MACROD2: variants seen among roughly 807,000 people sequenced by gnomAD.
MACROD2 encodes the protein ADP-ribose glycohydrolase MACROD2.
Under a neutral mutation model 70.4 loss-of-function variants are expected in MACROD2, and 36 were observed. That is an observed-to-expected ratio of 0.51 (90% CI 0.39 to 0.68). MACROD2 has a LOEUF of 0.68. MACROD2 is among the 30% of genes least tolerant of loss of function. The pLI is 0.00. For synonymous variants in MACROD2, 172 were observed against 178.8 expected (o/e 0.96, Z 0.30); for missense variants, 496 against 538.4 (o/e 0.92, Z 0.78).
intron 7 of MACROD2, among the ~76,000 whole-genome samples, chr20:15,496,939 A>G (rs2047305657): frequency 6.6e-6 from 1 of 152,184 alleles, no homozygotes. Context: ...TGTCAACTAC[A>G]GTTGTCTGGG....
chr20:15,454,239 T>C (rs2046685330), intron 7 of MACROD2, among the ~76,000 whole-genome samples: 1 of 152,118 alleles, frequency 6.6e-6, no homozygotes, highest in African/African-American at 2.4e-5. Flanking sequence ...AGAGCATTAT[T>C]AGCAGTTTTT....
At chr20:14,964,268 A>G (rs1488338858) in intron 5 of MACROD2, among the ~76,000 whole-genome samples, 1 of 152,148 alleles carries the variant, frequency 6.6e-6, no homozygotes, top group East Asian at 1.9e-4. Flanking sequence ...TGTAACTAAA[A>G]TATATAAATG....
intron 8 of MACROD2, among the ~76,000 whole-genome samples, chr20:15,678,402 C>T (rs1163013630): frequency 6.6e-6 from 1 of 151,894 alleles, no homozygotes; most frequent in African/African-American, 2.4e-5. Context: ...CTCTGTAGCC[C>T]AGGCTGGAGT....
intron 8 of MACROD2, among the ~76,000 whole-genome samples, chr20:15,667,840 T>G (rs2049922758): frequency 6.6e-6 from 1 of 152,220 alleles, no homozygotes; most frequent in African/African-American, 2.4e-5. Context: ...TTTTGAATTT[T>G]TCTGATTATT....
chr20:15,584,704 C>A (rs2048573142), intron 8 of MACROD2, among the ~76,000 whole-genome samples: 1 of 152,200 alleles, frequency 6.6e-6, no homozygotes, highest in African/African-American at 2.4e-5. Context: ...GGCACTGGTA[C>A]CCATGCCGGG....
At chr20:14,113,685 C>T (rs922815925) in intron 3 of MACROD2, among the ~76,000 whole-genome samples, 2 of 152,010 alleles carry the variant, frequency 1.3e-5, no homozygotes, top group Non-Finnish European at 2.9e-5. Context: ...ATTCTCATCC[C>T]GTGGGTTTCC....
chr20:15,365,165 TGGGGC>T (rs1254193457), intron 6 of MACROD2, among the ~76,000 whole-genome samples: 1 of 151,168 alleles, frequency 6.6e-6, no homozygotes, highest in Non-Finnish European at 1.5e-5. Flanking sequence ...AATTATTCTT[TGGGGC>T]GGGGCGGGGG....
intron 8 of MACROD2, among the ~76,000 whole-genome samples, chr20:15,671,694 A>G (rs2049981915): frequency 6.6e-6 from 1 of 152,206 alleles, no homozygotes; most frequent in African/African-American, 2.4e-5. Context: ...AGATGGAATC[A>G]TGGGAACATG....
At chr20:14,374,821 C>T (rs1196823964) in intron 3 of MACROD2, among the ~76,000 whole-genome samples, 1 of 151,912 alleles carries the variant, frequency 6.6e-6, no homozygotes, top group East Asian at 1.9e-4. Flanking sequence ...GACAGTGGAC[C>T]GAAAAAAACA....
At chr20:15,546,626 C>T (rs1249692159) in intron 8 of MACROD2, among the ~76,000 whole-genome samples, 2 of 152,162 alleles carry the variant, frequency 1.3e-5, no homozygotes, top group Non-Finnish European at 2.9e-5. Flanking sequence ...ACACTCAAAG[C>T]ACATCAATGC....
intron 10 of MACROD2, among the ~76,000 whole-genome samples, chr20:15,929,816 A>T (rs1226805936): frequency 6.6e-6 from 1 of 152,160 alleles, no homozygotes; most frequent in Non-Finnish European, 1.5e-5. Context: ...GGAGCCTCTT[A>T]TTTTATTTCT....
chr20:15,935,397 G>A (rs930863080), intron 11 of MACROD2, among the ~76,000 whole-genome samples: 24 of 152,156 alleles, frequency 1.6e-4, no homozygotes, highest in Non-Finnish European at 2.4e-4. Flanking sequence ...ACATAGTTAC[G>A]TTCACACTGC....
intron 15 of MACROD2, among the ~76,000 whole-genome samples, chr20:16,016,637 G>A (rs1048687977): frequency 6.6e-6 from 1 of 152,188 alleles, no homozygotes; most frequent in Non-Finnish European, 1.5e-5. Context: ...CCGGGTTCAA[G>A]CGATGCTCCT....
intron 5 of MACROD2, among the ~76,000 whole-genome samples, chr20:15,207,915 G>A (rs2076725948): frequency 6.6e-6 from 1 of 151,996 alleles, no homozygotes; most frequent in Non-Finnish European, 1.5e-5. Flanking sequence ...ATTCAGTTAA[G>A]TTCACTAAAC....
In MACROD2 at chr20:14,497,566, T is replaced by C. The variant is rs185251803; in HGVS notation, c.301+4058T>C. 1.7e-3 allele frequency among the ~76,000 whole-genome samples: 252 copies of C among 151,746 alleles called. 8 individuals are homozygous for C. Among genetic ancestry groups the C allele is most frequent in the African/African-American group, 5.9e-3 (242 of 41,046 alleles). On this transcript the variant is annotated intron_variant, in intron 4 of 17. Transcript: ENST00000684519. ...TTTTGTTTTTCATTGACGTAATAGT[T>C]AACACAAAACTAGAACCTGCTGATA... is the stretch of plus-strand genomic sequence containing the variant.
intron 9 of MACROD2, among the ~76,000 whole-genome samples, chr20:15,877,999 A>G (rs912453360): frequency 6.6e-6 from 1 of 151,996 alleles, no homozygotes; most frequent in Admixed American, 6.6e-5. Flanking sequence ...GTAATAGCTC[A>G]TAAGGGTAAC....
intron 8 of MACROD2, among the ~76,000 whole-genome samples, chr20:15,775,283 T>C (rs1022152047): frequency 6.6e-6 from 1 of 152,142 alleles, no homozygotes; most frequent in Admixed American, 6.5e-5. Flanking sequence ...TTCCATGCTC[T>C]AACATCAATA....
intron 3 of MACROD2, among the ~76,000 whole-genome samples, chr20:14,456,712 T>TA (rs2084305911): frequency 3.6e-5 from 4 of 112,154 alleles, no homozygotes; most frequent in East Asian, 3.0e-4. Context: ...AGACTCAGGA[T>TA]CTTTTTTTTT....
At chr20:14,190,067 G>A (rs1305319773) in intron 3 of MACROD2, among the ~76,000 whole-genome samples, 1 of 152,114 alleles carries the variant, frequency 6.6e-6, no homozygotes, top group Non-Finnish European at 1.5e-5. Context: ...AGGCTCTTGA[G>A]GTGACAAAAA....
Sources: gnomAD v4.1 joint callset for allele counts (sites outside exome capture counted in the v4.1 genomes callset) on GRCh38, gnomAD v4.1.1 for gene constraint, MANE v1.5 for transcripts, NCBI Gene and HGNC (gene_info 2026-07-23, HGNC 2026-07-21) for gene names.